Variants in PHF20L1 observed in about 807,000 individuals in gnomAD.
The protein encoded by PHF20L1 is PHD finger protein 20 like 1, also known as PHD finger protein 20-like protein 1.
A neutral mutation model predicts 125.5 loss-of-function variants in PHF20L1; 44 were observed. That is an observed-to-expected ratio of 0.35 (90% CI 0.28 to 0.45). PHF20L1 has a LOEUF of 0.45. Ranked by LOEUF, PHF20L1 falls within the 20% of genes least tolerant of loss-of-function variation. The probability of loss-of-function intolerance (pLI) is 1.00; values close to 1 mark genes in which losing one functional copy is unlikely to be tolerated. For synonymous variants in PHF20L1, 380 were observed against 403.1 expected, an observed-to-expected ratio of 0.94 and a Z score of 0.69; for missense variants, 1,012 against 1,217.2, an observed-to-expected ratio of 0.83 and a Z score of 2.51.
At chr8:132,813,798 T>TA (rs1225527286) in intron 9 of PHF20L1, among the ~76,000 whole-genome samples, 1 of 152,034 alleles carries the variant, frequency 6.6e-6, no homozygotes, top group Non-Finnish European at 1.5e-5. Flanking sequence ...ACACATATTT[T>TA]AACATATGTA....
At chr8:132,836,509 G>A in intron 15 of PHF20L1, 31 bp from the exon 16 acceptor site, 1 of 1,391,432 alleles carries the variant, frequency 7.2e-7, no homozygotes, top group African/African-American at 1.4e-5. Flanking sequence ...TAGAAAAGTT[G>A]TTCTAAGTAT....
At chr8:132,833,794 C>T (rs1563845465) in intron 15 of PHF20L1, among the ~76,000 whole-genome samples, 2 of 152,064 alleles carry the variant, frequency 1.3e-5, no homozygotes, top group African/African-American at 4.8e-5. Context: ...CTCTGCCCTG[C>T]CCTTATGATC....
intron 5 of PHF20L1, 90 bp downstream of exon 5, chr8:132,798,950 A>C (rs918198453): frequency 9.3e-7 from 1 of 1,080,514 alleles, no homozygotes; most frequent in African/African-American, 1.6e-5. Context: ...ATTTTTTAAA[A>C]ATGAACTAAT....
At position 132,844,140 on chromosome 8, in the gene PHF20L1, T is replaced by C. The variant is rs777644424; in HGVS notation, c.2749-16T>C. ...CCCGTTCTTTGTGTTTATTTTCCAA[T>C]GGTCCTTTGGAGAAGAATCCAGCTG... On this transcript the variant is annotated splice_polypyrimidine_tract_variant and intron_variant, in intron 19 of 20. Transcript: ENST00000395386. 1 of 1,610,988 alleles carries C rather than the reference T, an allele frequency of 6.2e-7. No homozygotes were observed. Among genetic ancestry groups the C allele is most frequent in the Non-Finnish European group, 8.5e-7 (1 of 1,178,142 alleles).
At chr8:132,845,721 C>G in intron 20 of PHF20L1, 60 bp from the exon 21 acceptor site, 1 of 1,215,578 alleles carries the variant, frequency 8.2e-7, no homozygotes. Flanking sequence ...CTGATTGTTT[C>G]ATTTTCTGAC....
chr8:132,785,511 C>T lies in PHF20L1; in HGVS notation c.83+7600C>T, dbSNP rs139851721. Among the ~76,000 whole-genome samples, 288 of 152,180 alleles carry T rather than the reference C, an allele frequency of 1.9e-3. 2 individuals are homozygous for T. Among genetic ancestry groups the T allele is most frequent in the African/African-American group, 6.4e-3 (264 of 41,546 alleles). ...TAGTACAATTTTTAAAAGAAATTAACGGAATATTGAAAAGACAGCTTAGTT... is the reference window on the plus strand; with the variant it reads ...TAGTACAATTTTTAAAAGAAATTAATGGAATATTGAAAAGACAGCTTAGTT... On this transcript the variant is annotated intron_variant, in intron 2 of 20. Transcript: ENST00000395386.
intron 17 of PHF20L1, 145 bp from the exon 18 acceptor site, chr8:132,839,242 C>A (rs1253338159): frequency 3.1e-6 from 2 of 640,844 alleles, no homozygotes; most frequent in Non-Finnish European, 5.5e-6. Context: ...TGCACCAGTT[C>A]CTCAGAACGC....
intron 18 of PHF20L1, among the ~76,000 whole-genome samples, chr8:132,839,827 T>G (rs530086460): frequency 1.3e-4 from 20 of 152,308 alleles, no homozygotes; most frequent in African/African-American, 4.8e-4. Flanking sequence ...CAACACATTT[T>G]AGCTCCTGTC....
Position 132,777,802 on chromosome 8 carries a change from G to A in PHF20L1, c.-27G>A. The stretch of plus-strand genomic sequence containing the variant: ...TTTCTTTCTCTTGAGGTAGTGAAAA[G>A]AGAATACTGAAGAATAGGATCTCAA... On this transcript the variant is annotated 5_prime_UTR_variant, in exon 2 of 21. Coordinates refer to ENST00000395386, the MANE Select transcript of PHF20L1 (RefSeq NM_016018.5). 6.6e-7 allele frequency: 1 copy of A among 1,506,566 alleles called. No individual in the cohort carries two copies. The highest frequency in any genetic ancestry group is 9.2e-7 in the Non-Finnish European group (1 of 1,083,736). 93.3% of individuals were successfully genotyped at this position (1,506,566 alleles called of 1,614,324 possible).
At chr8:132,812,611 C>A in intron 9 of PHF20L1, 2 of 983,470 alleles carry the variant, frequency 2.0e-6, no homozygotes, top group Non-Finnish European at 2.4e-6. Flanking sequence ...CCATGCCATT[C>A]CCTCATTTTC....
chr8:132,813,217 A>C (rs1834579111), intron 9 of PHF20L1: 1 of 548,634 alleles, frequency 1.8e-6, no homozygotes, highest in Non-Finnish European at 2.3e-6. Flanking sequence ...CTTTTCTGGC[A>C]ACACCTTTTA....
At chr8:132,827,956 T>C (rs1473527948) in intron 14 of PHF20L1, among the ~76,000 whole-genome samples, 1 of 152,066 alleles carries the variant, frequency 6.6e-6, no homozygotes, top group Non-Finnish European at 1.5e-5. Flanking sequence ...TTGTTGCATT[T>C]GAGGAGAATT....
At chr8:132,775,684 C>T (rs1829598361) in intron 1 of PHF20L1, 39 bp downstream of exon 1, 1 of 328,738 alleles carries the variant, frequency 3.0e-6, no homozygotes, top group East Asian at 4.6e-5. Flanking sequence ...GGCCGCCTGG[C>T]CCCCGCCGGG....
At chr8:132,830,107 A>G (rs1836601105) in intron 14 of PHF20L1, among the ~76,000 whole-genome samples, 1 of 151,916 alleles carries the variant, frequency 6.6e-6, no homozygotes, top group Admixed American at 6.6e-5. Flanking sequence ...ACAGGGCTCC[A>G]TTTTTCTCTG....
At chr8:132,818,343 A>T (rs1186529529) in intron 12 of PHF20L1, 2 of 151,904 alleles carry the variant, frequency 1.3e-5, no homozygotes, top group African/African-American at 4.8e-5. Context: ...AGTTGGAGAA[A>T]AACATAAGGC....
intron 12 of PHF20L1, among the ~76,000 whole-genome samples, chr8:132,823,255 G>A (rs1306264796): frequency 6.6e-6 from 1 of 151,930 alleles, no homozygotes; most frequent in Non-Finnish European, 1.5e-5. Context: ...GGAGTTCAAA[G>A]GTACAAGTTT....
intron 12 of PHF20L1, among the ~76,000 whole-genome samples, chr8:132,822,048 G>A (rs957285309): frequency 5.3e-5 from 8 of 151,810 alleles, no homozygotes; most frequent in Non-Finnish European, 7.4e-5. Context: ...AAGTCCTGCC[G>A]TTGCATATAT....
chr8:132,796,487 A>G (rs1200901741), intron 4 of PHF20L1, among the ~76,000 whole-genome samples: 1 of 152,134 alleles, frequency 6.6e-6, no homozygotes, highest in Non-Finnish European at 1.5e-5. Context: ...GTGTGAAAAA[A>G]TAAATCATAG....
intron 2 of PHF20L1, among the ~76,000 whole-genome samples, chr8:132,783,492 TC>T (rs1168223903): frequency 6.6e-6 from 1 of 152,164 alleles, no homozygotes; most frequent in East Asian, 1.9e-4. Context: ...TTACTTTTTT[TC>T]TAATTAGATT....
Sources: allele counts gnomAD v4.1 joint callset (sites outside exome capture counted in the v4.1 genomes callset), GRCh38; gene constraint gnomAD v4.1.1; transcripts MANE v1.5; gene names NCBI Gene and HGNC (gene_info 2026-07-23, HGNC 2026-07-21).